Variants in LRRC27 observed in about 807,000 individuals in gnomAD.
LRRC27 encodes the protein leucine rich repeat containing 27, also known as leucine-rich repeat-containing protein 27.
In LRRC27, 57 loss-of-function variants were observed where a neutral mutation model predicts 55.0. The observed-to-expected ratio is 1.04, with a 90% confidence interval of 0.84 to 1.29. LRRC27 has a LOEUF of 1.29. Ranked by LOEUF, LRRC27 falls within the 50% of genes most tolerant of loss-of-function variation. The probability of loss-of-function intolerance (pLI) is 0.00; values close to 1 mark genes in which losing one functional copy is unlikely to be tolerated. For synonymous variants in LRRC27, 278 were observed against 251.9 expected, an observed-to-expected ratio of 1.10 and a Z score of -0.98; for missense variants, 721 against 651.5, an observed-to-expected ratio of 1.11 and a Z score of -1.16.
chr10:132,356,008 G>C, intron 8 of LRRC27, 122 bp downstream of exon 8: 1 of 667,044 alleles, frequency 1.5e-6, no homozygotes, highest in Non-Finnish European at 2.7e-6. Context: ...GTGCTCACAC[G>C]CATCCCTGTC....
chr10:132,339,157 G>A (rs1471302538), intron 3 of LRRC27, among the ~76,000 whole-genome samples: 1 of 152,208 alleles, frequency 6.6e-6, no homozygotes, highest in East Asian at 1.9e-4. Context: ...GCGGGTGGGT[G>A]TGGGGCCACA....
At chr10:132,341,292 G>A (rs1008275715) in intron 3 of LRRC27, among the ~76,000 whole-genome samples, 30 of 151,558 alleles carry the variant, frequency 2.0e-4, no homozygotes, top group African/African-American at 7.0e-4. Context: ...GATTGCTTGA[G>A]CCCAGGAGGC....
chr10:132,337,568 T>C lies in LRRC27; in HGVS notation c.214T>C (p.Leu72=), dbSNP rs1212502097. ...EVFRIPSLQQ[L]HLQRNALCVI... ...CTGATTCTCTTTTCCATGGAAGCAA[T>C]TGCATCTGCAAAGGAATGCCCTGTG... Residue 72 remains leucine (L), a synonymous_variant, in exon 3 of 11, where the codon TTG becomes CTG. Coordinates refer to ENST00000368614, the MANE Select transcript of LRRC27 (RefSeq NM_030626.3). 1 of 1,612,416 alleles carries C rather than the reference T, an allele frequency of 6.2e-7. No individual in the cohort carries two copies. Among genetic ancestry groups the C allele is most frequent in the African/African-American group, 1.3e-5 (1 of 74,834 alleles).
chr10:132,336,911 G>A (rs923348054), intron 2 of LRRC27: 5 of 662,122 alleles, frequency 7.6e-6, no homozygotes, highest in Non-Finnish European at 1.1e-5. Flanking sequence ...GTAAAATTGT[G>A]TGAATGTTAT....
rs1233112531 is a variant in LRRC27 at position 132,337,695 on chromosome 10, A to T, written c.341A>T (p.Gln114Leu). ...KALPSGIGAH[Q>L]HLKTLLLERN... ...CTTCCTTCTGGGATTGGAGCTCACC[A>T]GTAAGTTGTTTATGTTTCCAGATTT... Residue 114 changes from glutamine to leucine, a missense_variant and splice_region_variant, in exon 3 of 11, where the codon CAG (glutamine) becomes CTG (leucine). Physicochemically the swap from Gln to Leu is moderately radical, Grantham distance 113. Transcript: ENST00000368614. 1 of 1,613,374 alleles carries T rather than the reference A, an allele frequency of 6.2e-7. No homozygotes were observed. The highest frequency in any genetic ancestry group is 1.1e-5 in the South Asian group (1 of 90,978).
Position 132,341,294 on chromosome 10 carries a change from C to T in LRRC27, c.342-919C>T, listed in dbSNP as rs530139596. 2.0e-5 allele frequency among the ~76,000 whole-genome samples: 3 copies of T among 151,644 alleles called. No homozygotes were observed. In the South Asian group the frequency reaches 6.2e-4, roughly 31 times the overall value. On this transcript the variant is annotated intron_variant, in intron 3 of 10. Coordinates refer to ENST00000368614, the MANE Select transcript of LRRC27 (RefSeq NM_030626.3). ...ACTGAGGCGGGAGGATTGCTTGAGC[C>T]CAGGAGGCGGAGGTTGCAGTGAGCA...
At chr10:132,366,779 C>T (rs980477069) in intron 10 of LRRC27, 3 of 1,141,092 alleles carry the variant, frequency 2.6e-6, no homozygotes, top group Non-Finnish European at 2.2e-6. Flanking sequence ...CAACCCTGGC[C>T]TTCCTGTCCC....
chr10:132,351,762 A>G lies in LRRC27; in HGVS notation c.1073+9A>G. 1 of 1,609,076 alleles carries G rather than the reference A, an allele frequency of 6.2e-7. No homozygotes were observed. Among genetic ancestry groups the G allele is most frequent in the Non-Finnish European group, 8.5e-7 (1 of 1,177,542 alleles). ...ATGGAGCAGCAGAGACGGTGAGTCCACACAGGGTGGGGGTCCGCACAGCCC... is the reference window on the plus strand; with the variant it reads ...ATGGAGCAGCAGAGACGGTGAGTCCGCACAGGGTGGGGGTCCGCACAGCCC... On this transcript the variant is annotated intron_variant, in intron 7 of 10. Transcript: ENST00000368614.
In LRRC27 at chr10:132,377,007, A is replaced by G. The variant is rs1220893982; in HGVS notation, c.*1765A>G. 6.6e-6 allele frequency: 1 copy of G among 152,238 alleles called. No homozygotes were observed. The highest frequency in any genetic ancestry group is 2.4e-5 in the African/African-American group (1 of 41,448). 9.4% of individuals were successfully genotyped at this position (152,238 alleles called of 1,614,324 possible). A position where few individuals can be genotyped will look rare whatever the true frequency, so the allele number is the denominator to read the frequency against. On this transcript the variant is annotated 3_prime_UTR_variant, in exon 11 of 11. Coordinates refer to ENST00000368614, the MANE Select transcript of LRRC27 (RefSeq NM_030626.3). The stretch of plus-strand genomic sequence containing the variant: ...ATCTTCCTGTCGAACTGACCTTGTC[A>G]TTATTATGAACTATTTCTCTTCGCC...
At chr10:132,344,752 T>C in intron 5 of LRRC27, 102 bp downstream of exon 5, 1 of 1,322,724 alleles carries the variant, frequency 7.6e-7, no homozygotes, top group Non-Finnish European at 1.1e-6. Flanking sequence ...TCCTGAGAAA[T>C]ACAGGAGCCA....
chr10:132,371,882 CCT>C (rs2069225375), intron 10 of LRRC27, among the ~76,000 whole-genome samples: 1 of 152,232 alleles, frequency 6.6e-6, no homozygotes, highest in Non-Finnish European at 1.5e-5. Context: ...GGGGTGCTGT[CCT>C]CTCAGACACA....
At position 132,372,766 on chromosome 10, in the gene LRRC27, A is replaced by G. The variant is rs1187604147; in HGVS notation, c.1417-2300A>G. Among the ~76,000 whole-genome samples the G allele has an allele frequency of 6.6e-6, 1 of 152,186 alleles. No homozygotes were observed. Among genetic ancestry groups the G allele is most frequent in the African/African-American group, 2.4e-5 (1 of 41,430 alleles). ...AAGAGACCTGCAGAAGGTCAGGTGC[A>G]CAACCGACCAGGAGGGCTGGCCAGC... On this transcript the variant is annotated intron_variant, in intron 10 of 10. Coordinates refer to ENST00000368614, the MANE Select transcript of LRRC27 (RefSeq NM_030626.3). The surrounding 1 kb of genome is among the most constrained non-coding windows in gnomAD (Gnocchi z 4.0).
chr10:132,353,838 C>T (rs988781037), intron 7 of LRRC27, among the ~76,000 whole-genome samples: 2 of 152,230 alleles, frequency 1.3e-5, no homozygotes, highest in African/African-American at 4.8e-5. Context: ...GGACCGGCCC[C>T]GCCTGTCAAG....
intron 2 of LRRC27, among the ~76,000 whole-genome samples, chr10:132,336,342 CTG>C (rs903134216): frequency 6.6e-6 from 1 of 152,230 alleles, no homozygotes; most frequent in Non-Finnish European, 1.5e-5. Context: ...GGGGCACACA[CTG>C]TGACCTGTGA....
chr10:132,330,096 T>G (rs2066614199), upstream of LRRC27, among the ~76,000 whole-genome samples: 1 of 152,192 alleles, frequency 6.6e-6, no homozygotes, highest in Admixed American at 6.5e-5. Context: ...GTTCCTACGT[T>G]GGGAGGCTCA....
At chr10:132,349,080 T>C in intron 6 of LRRC27, 1 of 1,521,858 alleles carries the variant, frequency 6.6e-7, no homozygotes, top group Non-Finnish European at 9.1e-7. Flanking sequence ...GGTGTGCGTG[T>C]GTGTGCCTGC....
rs972673387 is a variant in LRRC27 at position 132,353,169 on chromosome 10, G to A, written c.1073+1416G>A. On this transcript the variant is annotated intron_variant, in intron 7 of 10. Transcript: ENST00000368614. ...CAGCGGGGGCCCCCAGCAGGAGGTCGAGGAGGAAGGGAGAGCGAGGGCCTC... is the reference window on the plus strand; with the variant it reads ...CAGCGGGGGCCCCCAGCAGGAGGTCAAGGAGGAAGGGAGAGCGAGGGCCTC... The A allele has an allele frequency of 1.9e-5, 27 of 1,427,120 alleles. No homozygotes were observed. The African/African-American group carries it at 2.0e-4, about 11-fold the overall frequency. The allele number at this position is 1,427,120 out of a possible 1,614,324, so 88.4% of individuals were successfully genotyped here.
chr10:132,355,993 G>A, intron 8 of LRRC27, 107 bp downstream of exon 8: 1 of 760,360 alleles, frequency 1.3e-6, no homozygotes, highest in Non-Finnish European at 2.2e-6. Context: ...TGGGGGTGTG[G>A]GTGGGTGCTC....
At position 132,365,411 on chromosome 10, in the gene LRRC27, C is replaced by G. The variant is rs767772220; in HGVS notation, c.1290-13C>G. ...GTGTCAAGTCATTTCCCTCTTTGCCCTTTGTTTCTCAGTGCCCTGCAGGAG... is the reference window on the plus strand; with the variant it reads ...GTGTCAAGTCATTTCCCTCTTTGCCGTTTGTTTCTCAGTGCCCTGCAGGAG... On this transcript the variant is annotated splice_polypyrimidine_tract_variant and intron_variant, in intron 9 of 10. Coordinates refer to ENST00000368614, the MANE Select transcript of LRRC27 (RefSeq NM_030626.3). 6 of 1,613,040 alleles carry G rather than the reference C, an allele frequency of 3.7e-6. No individual in the cohort carries two copies. Among genetic ancestry groups the G allele is most frequent in the Non-Finnish European group, 5.1e-6 (6 of 1,179,726 alleles).
Sources: allele counts gnomAD v4.1 joint callset (sites outside exome capture counted in the v4.1 genomes callset), GRCh38; gene constraint gnomAD v4.1.1; non-coding constraint Gnocchi (gnomAD v3.1); transcripts MANE v1.5; gene names NCBI Gene and HGNC (gene_info 2026-07-23, HGNC 2026-07-21).